Variants in GRIP1 observed in about 807,000 individuals in gnomAD.
The protein encoded by GRIP1 is glutamate receptor-interacting protein 1.
In GRIP1, 45 loss-of-function variants were observed where a neutral mutation model predicts 129.9. That is an observed-to-expected ratio of 0.35 (90% confidence interval 0.27 to 0.44). GRIP1 has a LOEUF of 0.44. GRIP1 is among the 20% of genes least tolerant of loss of function. GRIP1 has a pLI of 1.00. For synonymous variants in GRIP1, 530 were observed against 520.8 expected, an observed-to-expected ratio of 1.02 and a Z score of -0.24; for missense variants, 1,196 against 1,396.8, an observed-to-expected ratio of 0.86 and a Z score of 2.29.
chr12:67,004,789 G>A (rs2042603290), intron 1 of GRIP1, among the ~76,000 whole-genome samples: 1 of 152,090 alleles, frequency 6.6e-6, no homozygotes, highest in Middle Eastern at 3.4e-3. Context: ...TATAGAGTTG[G>A]GAACGGAATT....
At chr12:66,782,909 A>G (rs1405016185) in intron 1 of GRIP1, among the ~76,000 whole-genome samples, 1 of 152,242 alleles carries the variant, frequency 6.6e-6, no homozygotes, top group East Asian at 1.9e-4. Context: ...ATTAAAAATC[A>G]GTTAAGTAGA....
intron 1 of GRIP1, among the ~76,000 whole-genome samples, chr12:67,005,984 G>T (rs1411479188): frequency 6.6e-6 from 1 of 152,150 alleles, no homozygotes; most frequent in African/African-American, 2.4e-5. Flanking sequence ...AATCTCCATT[G>T]CCCTGAACTT....
chr12:66,583,362 C>A (rs2063481865), intron 2 of GRIP1, among the ~76,000 whole-genome samples: 1 of 149,224 alleles, frequency 6.7e-6, no homozygotes, highest in East Asian at 2.0e-4. Context: ...GACTTCATGT[C>A]TAAAACACCA....
Position 66,786,240 on chromosome 12 carries a change from G to A in GRIP1, c.-420+17813C>T, listed in dbSNP as rs547375390. ...AAAATCAAAATCATTCTGCTAGATG[G>A]ATATGACAACCACATTTTGCAAAAT... On this transcript the variant is annotated intron_variant, in intron 1 of 4. Transcript: ENST00000538373. 2.0e-3 allele frequency among the ~76,000 whole-genome samples: 304 copies of A among 152,284 alleles called. 1 individual carries two copies. Among genetic ancestry groups the A allele is most frequent in the African/African-American group, 5.7e-3 (237 of 41,568 alleles).
intron 6 of GRIP1, 63 bp from the exon 7 acceptor site, chr12:66,515,827 T>A: frequency 7.2e-7 from 1 of 1,396,406 alleles, no homozygotes; most frequent in Non-Finnish European, 1.0e-6. Context: ...GTATTAATAG[T>A]CACTTTAGCC....
At chr12:66,992,371 T>C (rs2042406037) in intron 1 of GRIP1, among the ~76,000 whole-genome samples, 1 of 87,204 alleles carries the variant, frequency 1.1e-5, no homozygotes, top group African/African-American at 5.0e-5. Context: ...TGTGAAGGTT[T>C]AGAAAAAAAA....
At chr12:66,819,511 A>G (rs1290227406) in intron 1 of GRIP1, among the ~76,000 whole-genome samples, 1 of 152,210 alleles carries the variant, frequency 6.6e-6, no homozygotes, top group East Asian at 1.9e-4. Context: ...ACTATTATGT[A>G]CCAGGAATTG....
intron 7 of GRIP1, among the ~76,000 whole-genome samples, chr12:66,468,547 AACCAACCATT>A (rs1240816875): frequency 6.6e-6 from 1 of 152,196 alleles, no homozygotes; most frequent in East Asian, 1.9e-4. Flanking sequence ...ATAAAACTAC[AACCAACCATT>A]ACCCAATACT....
At chr12:66,817,202 G>GCACACACA (rs57507955) in intron 1 of GRIP1, among the ~76,000 whole-genome samples, 221 of 136,210 alleles carry the variant, frequency 1.6e-3, no homozygotes, top group Middle Eastern at 4.0e-3. Flanking sequence ...TTTTCAGTAT[G>GCACACACA]CACACACACA....
intron 7 of GRIP1, among the ~76,000 whole-genome samples, chr12:66,466,903 T>C (rs2059302297): frequency 6.6e-6 from 1 of 152,206 alleles, no homozygotes; most frequent in Admixed American, 6.5e-5. Flanking sequence ...ATAGGAAATC[T>C]GTATTCCCAT....
intron 7 of GRIP1, among the ~76,000 whole-genome samples, chr12:66,514,516 A>G (rs1592462327): frequency 6.6e-6 from 1 of 152,142 alleles, no homozygotes; most frequent in South Asian, 2.1e-4. Flanking sequence ...AATAAAACAT[A>G]TAACAAAAAG....
At chr12:67,064,332 T>C (rs1475824270) in intron 1 of GRIP1, among the ~76,000 whole-genome samples, 1 of 152,222 alleles carries the variant, frequency 6.6e-6, no homozygotes, top group African/African-American at 2.4e-5. Flanking sequence ...TTCTACAAAC[T>C]TCACCTCAGG....
At chr12:66,456,903 A>T (rs1455613776) in intron 9 of GRIP1, among the ~76,000 whole-genome samples, 1 of 152,150 alleles carries the variant, frequency 6.6e-6, no homozygotes, top group Non-Finnish European at 1.5e-5. Context: ...AACCACTCTA[A>T]TCATCTATCA....
intron 11 of GRIP1, among the ~76,000 whole-genome samples, chr12:66,452,085 G>A (rs554923196): frequency 1.1e-4 from 16 of 152,314 alleles, no homozygotes; most frequent in African/African-American, 3.4e-4. Context: ...ACTCTTTGCC[G>A]CAATTCAGGC....
At position 66,596,880 on chromosome 12, in the gene GRIP1, C is replaced by CA; in HGVS notation, c.102dup (p.Gly35TrpfsTer39). 1 of 1,613,632 alleles carries CA rather than the reference C, an allele frequency of 6.2e-7. No homozygotes were observed. The highest frequency in any genetic ancestry group is 8.5e-7 in the Non-Finnish European group (1 of 1,179,556). ...CTCTGTCTCCTCACAGCCAACGCTC[C>CA]ATCAGGCGGCTTTGTCTGGCTGGCG... On this transcript the variant is annotated frameshift_variant, in exon 2 of 25. Transcript: ENST00000359742. LOFTEE classifies it high-confidence loss of function.
At chr12:66,501,388 T>C (rs2060388481) in intron 7 of GRIP1, among the ~76,000 whole-genome samples, 1 of 152,340 alleles carries the variant, frequency 6.6e-6, no homozygotes, top group African/African-American at 2.4e-5. Flanking sequence ...TGAAGCTATA[T>C]ACTATTATAT....
At chr12:67,010,671 G>T (rs2042692178) in intron 1 of GRIP1, among the ~76,000 whole-genome samples, 1 of 152,058 alleles carries the variant, frequency 6.6e-6, no homozygotes, top group South Asian at 2.1e-4. Context: ...AGGCCAGTGA[G>T]ATTGTGTTCA....
At chr12:66,696,872 A>G (rs2035183884) in intron 1 of GRIP1, among the ~76,000 whole-genome samples, 1 of 150,534 alleles carries the variant, frequency 6.6e-6, no homozygotes, top group Admixed American at 6.6e-5. Flanking sequence ...GAGGGATGTT[A>G]GGCAGCCTGC....
intron 1 of GRIP1, among the ~76,000 whole-genome samples, chr12:66,798,840 G>A (rs541151742): frequency 2.6e-5 from 4 of 152,104 alleles, no homozygotes; most frequent in Non-Finnish European, 1.5e-5. Context: ...ATTAAATCAG[G>A]AGTTTGTTTT....
Sources: allele counts gnomAD v4.1 joint callset (sites outside exome capture counted in the v4.1 genomes callset), GRCh38; gene constraint gnomAD v4.1.1; transcripts MANE v1.5; gene names NCBI Gene and HGNC (gene_info 2026-07-23, HGNC 2026-07-21).